The following MAP2 variants were observed in gnomAD, a reference collection of about 807,000 sequenced individuals.
MAP2 encodes the protein microtubule associated protein 2.
In MAP2, 14 loss-of-function variants were observed where a neutral mutation model predicts 137.6. The observed-to-expected ratio is 0.10, with a 90% CI of 0.07 to 0.16. MAP2 has a LOEUF of 0.16. Ranked by LOEUF, MAP2 falls within the 10% of genes least tolerant of loss-of-function variation. MAP2 has a pLI of 1.00. For synonymous variants in MAP2, 786 were observed against 782.3 expected, an observed-to-expected ratio of 1.00 and a Z score of -0.08; for missense variants, 2,088 against 2,191.5, an observed-to-expected ratio of 0.95 and a Z score of 0.94.
chr2:209,596,316 C>T (rs557220364), intron 3 of MAP2, among the ~76,000 whole-genome samples: 3 of 152,184 alleles, frequency 2.0e-5, no homozygotes, highest in East Asian at 1.9e-4. Flanking sequence ...TTTATTCTTA[C>T]GAATAAACTG....
chr2:209,575,537 A>T (rs866708579), intron 2 of MAP2, among the ~76,000 whole-genome samples: 1,650 of 150,672 alleles, frequency 0.011, 44 homozygotes, highest in African/African-American at 0.034. Context: ...AAAAAAAAAA[A>T]AAAAAAATAC....
chr2:209,522,251 A>G (rs2063387338), intron 2 of MAP2, among the ~76,000 whole-genome samples: 3 of 152,136 alleles, frequency 2.0e-5, no homozygotes, highest in Admixed American at 2.0e-4. Context: ...AGCCATGGCC[A>G]TACACTTCTG....
intron 1 of MAP2, among the ~76,000 whole-genome samples, chr2:209,439,666 A>G (rs990528493): frequency 1.3e-5 from 2 of 151,504 alleles, no homozygotes; most frequent in Admixed American, 1.3e-4. Context: ...GAAAAAGGCA[A>G]TGTCAACAGT....
Position 209,495,023 on chromosome 2 carries a change from T to C in MAP2, c.-221-12569T>C, listed in dbSNP as rs561421181. Among the ~76,000 whole-genome samples, 91 of 152,376 alleles carry C rather than the reference T, an allele frequency of 6.0e-4. 1 individual carries two copies. Among genetic ancestry groups the C allele is most frequent in the African/African-American group, 2.1e-3 (86 of 41,594 alleles). Reference sequence around the variant, plus strand: ...TATATTCCACCTTATCTGTGATTTTTGTTATTTCTTTGCCTTAATAAAAGA... The same window carrying C: ...TATATTCCACCTTATCTGTGATTTTCGTTATTTCTTTGCCTTAATAAAAGA... On this transcript the variant is annotated intron_variant, in intron 1 of 15. Coordinates refer to ENST00000682079, the MANE Select transcript of MAP2 (RefSeq NM_001375505.1).
At chr2:209,663,282 A>T (rs2044569004) in intron 5 of MAP2, among the ~76,000 whole-genome samples, 1 of 152,144 alleles carries the variant, frequency 6.6e-6, no homozygotes, top group Non-Finnish European at 1.5e-5. Flanking sequence ...TCTGGAAATC[A>T]TATCAGGAGA....
intron 13 of MAP2, among the ~76,000 whole-genome samples, chr2:209,713,215 A>G (rs2066126238): frequency 6.6e-6 from 1 of 152,194 alleles, no homozygotes; most frequent in African/African-American, 2.4e-5. Flanking sequence ...TGCAATCTCT[A>G]AAAATTGGTA....
chr2:209,655,163 G>A (rs78047976), intron 5 of MAP2, among the ~76,000 whole-genome samples: 490 of 152,282 alleles, frequency 3.2e-3, no homozygotes, highest in Non-Finnish European at 5.2e-3. Flanking sequence ...GCTAATAGAC[G>A]TTTCTTTTAA....
At chr2:209,573,209 G>A (rs1424816859) in intron 2 of MAP2, among the ~76,000 whole-genome samples, 1 of 151,890 alleles carries the variant, frequency 6.6e-6, no homozygotes, top group Non-Finnish European at 1.5e-5. Context: ...AGTGGCCATG[G>A]AATTCAAAGA....
At position 209,653,376 on chromosome 2, in the gene MAP2, A is replaced by G. The variant is rs1170950303; in HGVS notation, c.206A>G (p.Asn69Ser). 1.2e-6 allele frequency: 2 copies of G among 1,613,898 alleles called. No individual in the cohort carries two copies. Among genetic ancestry groups the G allele is most frequent in the Admixed American group, 1.7e-5 (1 of 59,986 alleles). Reference sequence around the variant, plus strand: ...CATGGGTCACAGGGCACCTATTCAAATACCAAAGAGAATGGGATCAACGGA... The same window carrying G: ...CATGGGTCACAGGGCACCTATTCAAGTACCAAAGAGAATGGGATCAACGGA... Reference protein sequence around the residue: ...GEHGSQGTYSNTKENGINGEL... With the variant: ...GEHGSQGTYSSTKENGINGEL... Residue 69 changes from asparagine to serine, a missense_variant, in exon 5 of 16, where the codon AAT becomes AGT. Physicochemically the swap from Asn to Ser is conservative, Grantham distance 46 (BLOSUM62 1). Coordinates refer to ENST00000682079, the MANE Select transcript of MAP2 (RefSeq NM_001375505.1).
chr2:209,654,842 G>T (rs989468884), intron 5 of MAP2, among the ~76,000 whole-genome samples: 1 of 152,120 alleles, frequency 6.6e-6, no homozygotes, highest in African/African-American at 2.4e-5. Context: ...TTGAGTGAGC[G>T]AGTGAATGAA....
At chr2:209,565,104 A>T (rs1321140044) in intron 2 of MAP2, among the ~76,000 whole-genome samples, 1 of 152,224 alleles carries the variant, frequency 6.6e-6, no homozygotes, top group Non-Finnish European at 1.5e-5. Context: ...GATTACTCAT[A>T]ACATTTAATT....
intron 2 of MAP2, among the ~76,000 whole-genome samples, chr2:209,576,324 A>G (rs959902428): frequency 6.6e-6 from 1 of 151,882 alleles, no homozygotes; most frequent in Non-Finnish European, 1.5e-5. Flanking sequence ...GCTCACTGCA[A>G]CCTCCACCTC....
At chr2:209,441,930 A>G (rs1218740736) in intron 1 of MAP2, among the ~76,000 whole-genome samples, 1 of 151,580 alleles carries the variant, frequency 6.6e-6, no homozygotes, top group Non-Finnish European at 1.5e-5. Context: ...TTTTTGAATC[A>G]AAACAGAGGT....
chr2:209,509,335 C>T lies in MAP2; in HGVS notation c.-172+1694C>T, dbSNP rs147429817. 6.1e-3 allele frequency among the ~76,000 whole-genome samples: 926 copies of T among 151,954 alleles called. 2 individuals carry two copies. The highest frequency in any genetic ancestry group is 0.011 in the Non-Finnish European group (746 of 67,854). On this transcript the variant is annotated intron_variant, in intron 2 of 15. Transcript: ENST00000682079. ...ATTTCTGTTGTGGGAATACGAAAAT[C>T]GAGTGTGTTTGGTCAAGATGACTTG...
At chr2:209,481,323 T>C (rs1235895951) in intron 1 of MAP2, among the ~76,000 whole-genome samples, 4 of 152,214 alleles carry the variant, frequency 2.6e-5, no homozygotes, top group Admixed American at 1.3e-4. Context: ...TACTCCTGCA[T>C]TGATCCATCA....
At chr2:209,492,970 C>A (rs2059309427) in intron 1 of MAP2, among the ~76,000 whole-genome samples, 1 of 151,268 alleles carries the variant, frequency 6.6e-6, no homozygotes, top group Non-Finnish European at 1.5e-5. Context: ...AAAAAAGATC[C>A]TGTATAGCCT....
At chr2:209,696,452 G>A (rs1006227273) in intron 8 of MAP2, 90 bp from the exon 9 acceptor site, 55 of 1,480,042 alleles carry the variant, frequency 3.7e-5, no homozygotes, top group Middle Eastern at 3.6e-4. Context: ...TCTTTATTTT[G>A]TATTTTGTTA....
chr2:209,567,126 A>C (rs1258890950), intron 2 of MAP2, among the ~76,000 whole-genome samples: 1 of 152,140 alleles, frequency 6.6e-6, no homozygotes, highest in Non-Finnish European at 1.5e-5. Context: ...ACTACATACA[A>C]TGATCTCAGT....
At chr2:209,582,581 G>A (rs1267674036) in intron 3 of MAP2, among the ~76,000 whole-genome samples, 2 of 151,664 alleles carry the variant, frequency 1.3e-5, no homozygotes, top group African/African-American at 4.8e-5. Flanking sequence ...TTCTATAAAT[G>A]TAATATGAGA....
Sources: gnomAD v4.1 joint callset for allele counts (sites outside exome capture counted in the v4.1 genomes callset) on GRCh38, gnomAD v4.1.1 for gene constraint, MANE v1.5 for transcripts, NCBI Gene and HGNC (gene_info 2026-07-23, HGNC 2026-07-21) for gene names.